Variants in LRRC9 observed in about 807,000 individuals in gnomAD.
The protein encoded by LRRC9 is leucine-rich repeat-containing protein 9.
LRRC9 carries 122 observed loss-of-function variants against 63.2 expected under a neutral mutation model. The ratio of observed to expected loss-of-function variants is 1.93; its 90% CI spans 1.67 to 2.24. The LOEUF is 2.24. LRRC9 is among the 30% of genes most tolerant of loss of function. The pLI, the probability that LRRC9 is intolerant of heterozygous loss-of-function variation, is 0.00. For missense variants in LRRC9, 1,071 were observed against 627.7 expected, an observed-to-expected ratio of 1.71 and a Z score of -7.55; for synonymous variants, 366 against 213.1, an observed-to-expected ratio of 1.72 and a Z score of -6.25.
intron 29 of LRRC9, among the ~76,000 whole-genome samples, chr14:60,044,624 A>C (rs2140396350): frequency 6.6e-6 from 1 of 152,190 alleles, no homozygotes; most frequent in East Asian, 1.9e-4. Context: ...ATTGATTTCT[A>C]GTTTTATTCC....
At position 60,025,069 on chromosome 14, in the gene LRRC9, G is replaced by T. The variant is rs376954858; in HGVS notation, c.3703+2199G>T. 3.7e-3 allele frequency among the ~76,000 whole-genome samples: 546 copies of T among 147,150 alleles called. 4 individuals are homozygous for T. Among genetic ancestry groups the T allele is most frequent in the South Asian group, 0.012 (56 of 4,638 alleles). On this transcript the variant is annotated intron_variant, in intron 27 of 31. Transcript: ENST00000445360. The stretch of plus-strand genomic sequence containing the variant: ...TTTTTCGGTTGGTTTTTTGTTTTTG[G>T]TTTTTTTTTTATTTTTTATTTTATT...
At chr14:59,985,199 C>A (rs1471231598) in exon 17 of LRRC9, 9 of 687,222 alleles carry the variant, frequency 1.3e-5, no homozygotes, top group Non-Finnish European at 2.4e-5. Context: ...AATGAATTTA[C>A]CTGTTTAGAT....
rs1891671893 is a variant in LRRC9 at position 60,027,748 on chromosome 14, C to CT, written c.3704-133dup. ...TCCTGTAAATTACATTTCAATTTCT[C>CT]TTTGGAAATAAGTTTCTTGAATCCT... is the stretch of plus-strand genomic sequence containing the variant. On this transcript the variant is annotated intron_variant, in intron 27 of 31. Coordinates refer to ENST00000445360, the Ensembl canonical transcript of LRRC9. This position sits in a 1 kb window ranked among gnomAD's most constrained non-coding sequence, Gnocchi z 4.0. 1 of 528,230 alleles carries CT rather than the reference C, an allele frequency of 1.9e-6. No individual in the cohort carries two copies. Among genetic ancestry groups the CT allele is most frequent in the Non-Finnish European group, 3.3e-6 (1 of 300,310 alleles). The allele number at this position is 528,230 out of a possible 1,614,324, so 32.7% of individuals were successfully genotyped here. A position where few individuals can be genotyped will look rare whatever the true frequency, so the allele number is the denominator to read the frequency against.
chr14:59,995,924 G>A (rs1296250895), intron 17 of LRRC9, among the ~76,000 whole-genome samples: 5 of 152,130 alleles, frequency 3.3e-5, no homozygotes, highest in South Asian at 2.1e-4. Context: ...TGTATTTTTC[G>A]TAGAGATGGG....
At chr14:59,969,156 A>C (rs1254353817) in intron 12 of LRRC9, 1 of 152,082 alleles carries the variant, frequency 6.6e-6, no homozygotes, top group Non-Finnish European at 1.5e-5. Context: ...GAAAGTTTTA[A>C]ATATTTTTAT....
intron 12 of LRRC9, among the ~76,000 whole-genome samples, chr14:59,967,642 G>A (rs537958312): frequency 6.6e-6 from 1 of 152,166 alleles, no homozygotes; most frequent in Non-Finnish European, 1.5e-5. Flanking sequence ...TCTCCATCTT[G>A]CTGCTGATCT....
At chr14:59,946,110 A>T (rs992860524) in intron 8 of LRRC9, among the ~76,000 whole-genome samples, 1 of 151,476 alleles carries the variant, frequency 6.6e-6, no homozygotes, top group Non-Finnish European at 1.5e-5. Flanking sequence ...TCATTGCACT[A>T]TTAATAATTA....
intron 29 of LRRC9, among the ~76,000 whole-genome samples, chr14:60,035,526 A>G (rs2140346687): frequency 6.6e-6 from 1 of 152,298 alleles, no homozygotes; most frequent in Non-Finnish European, 1.5e-5. Flanking sequence ...ATATAGTGAG[A>G]GACAGAAGTC....
Position 60,031,574 on chromosome 14 carries a change from A to G in LRRC9, c.3922-421A>G, listed in dbSNP as rs978299992. Among the ~76,000 whole-genome samples the G allele has an allele frequency of 6.6e-6, 1 of 152,066 alleles. No individual in the cohort carries two copies. Among genetic ancestry groups the G allele is most frequent in the Non-Finnish European group, 1.5e-5 (1 of 67,964 alleles). On this transcript the variant is annotated intron_variant, in intron 28 of 31. Coordinates refer to ENST00000445360, the Ensembl canonical transcript of LRRC9. The surrounding 1 kb of genome is among the most constrained non-coding windows in gnomAD (Gnocchi z 4.6). ...AAGTACATCAAGACGCAATCCACTC[A>G]ATATTACACATTCCTTTATGGTTAA...
chr14:59,991,425 T>G (rs1190907107), intron 17 of LRRC9, among the ~76,000 whole-genome samples: 4 of 152,124 alleles, frequency 2.6e-5, no homozygotes, highest in Non-Finnish European at 5.9e-5. Context: ...CATTTTCAGC[T>G]GAGGTACTGG....
At chr14:59,998,128 C>G (rs143094838) in intron 18 of LRRC9, among the ~76,000 whole-genome samples, 2 of 151,962 alleles carry the variant, frequency 1.3e-5, no homozygotes, top group Admixed American at 6.6e-5. Flanking sequence ...ATTTGCAAAC[C>G]TCCAGATATT....
chr14:59,943,401 G>C (rs768040348), intron 7 of LRRC9, among the ~76,000 whole-genome samples: 13 of 151,612 alleles, frequency 8.6e-5, no homozygotes, highest in Non-Finnish European at 1.2e-4. Context: ...GAATTTATTA[G>C]AATTATTTTT....
chr14:60,066,053 T>C (rs751082715), downstream of LRRC9, among the ~76,000 whole-genome samples: 1 of 152,114 alleles, frequency 6.6e-6, no homozygotes, highest in Non-Finnish European at 1.5e-5. Context: ...CCTGGCTTCA[T>C]GTAATCCTCC....
At chr14:60,019,091 T>C (rs377690810) in intron 25 of LRRC9, 30 bp from the exon 26 acceptor site, 47 of 646,234 alleles carry the variant, frequency 7.3e-5, no homozygotes, top group East Asian at 4.2e-4. Flanking sequence ...ATTTCTAGGA[T>C]TTCTGATTAA....
At chr14:59,954,079 T>C (rs1323787565) in intron 8 of LRRC9, among the ~76,000 whole-genome samples, 1 of 152,228 alleles carries the variant, frequency 6.6e-6, no homozygotes, top group African/African-American at 2.4e-5. Context: ...CAGTATAGTT[T>C]GAAGTCAGGT....
At position 59,935,052 on chromosome 14, in the gene LRRC9, G is replaced by A. The variant is rs1005275649; in HGVS notation, c.543+3013G>A. Among the ~76,000 whole-genome samples, 18 of 151,400 alleles carry A rather than the reference G, an allele frequency of 1.2e-4. No homozygotes were observed. The East Asian group carries it at 2.7e-3, about 23-fold the overall frequency. On this transcript the variant is annotated intron_variant, in intron 6 of 31. Coordinates refer to ENST00000445360, the Ensembl canonical transcript of LRRC9. ...TATAATCCTGTCACTTTGGGAGGCC[G>A]AGGCGGGCGGATCACTTGAGATCAG...
chr14:60,039,376 G>T (rs1359287278), intron 29 of LRRC9, among the ~76,000 whole-genome samples: 1 of 152,266 alleles, frequency 6.6e-6, no homozygotes, highest in East Asian at 1.9e-4. Context: ...GAATTTGGCT[G>T]CGAATCCTTC....
chr14:59,997,311 C>T (rs1163090888), intron 17 of LRRC9, among the ~76,000 whole-genome samples: 1 of 152,000 alleles, frequency 6.6e-6, no homozygotes, highest in Non-Finnish European at 1.5e-5. Flanking sequence ...GGCTATGGGG[C>T]TCAACAGTAT....
At chr14:59,926,186 G>C (rs968469953) in intron 1 of LRRC9, among the ~76,000 whole-genome samples, 1 of 152,060 alleles carries the variant, frequency 6.6e-6, no homozygotes, top group Non-Finnish European at 1.5e-5. Context: ...GTGTTAATGG[G>C]CTTTTTTCTC....
Sources: allele counts gnomAD v4.1 joint callset (sites outside exome capture counted in the v4.1 genomes callset), GRCh38; gene constraint gnomAD v4.1.1; non-coding constraint Gnocchi (gnomAD v3.1); transcripts MANE v1.5; gene names NCBI Gene and HGNC (gene_info 2026-07-23, HGNC 2026-07-21).